The following DLX6 variants were observed in gnomAD, a reference collection of about 807,000 sequenced individuals.
DLX6 encodes homeobox protein DLX-6.
A neutral mutation model predicts 33.5 loss-of-function variants in DLX6; 4 were observed. The observed-to-expected ratio is 0.12, with a 90% CI of 0.06 to 0.27. The LOEUF (loss-of-function observed/expected upper bound fraction) is 0.27. Among genes scored for constraint, DLX6 ranks in the 10% least tolerant of loss-of-function variants. The pLI, the probability that DLX6 is intolerant of heterozygous loss-of-function variation, is 1.00. For synonymous variants in DLX6, 184 were observed against 164.8 expected (o/e 1.12, Z -0.89); for missense variants, 382 against 393.3 (o/e 0.97, Z 0.24).
chr7:97,010,013 A>C lies in DLX6; in HGVS notation c.848A>C (p.His283Pro). ...PGYSHWYSSPHQDTMQRPQMM is the reference protein window; with the variant it reads ...PGYSHWYSSPPQDTMQRPQMM ...TATTCTCACTGGTACTCCTCTCCACACCAGGACACGATGCAGAGACCACAG... is the reference window on the plus strand; with the variant it reads ...TATTCTCACTGGTACTCCTCTCCACCCCAGGACACGATGCAGAGACCACAG... Residue 283 changes from histidine (H) to proline (P), a missense_variant, in exon 3 of 3, where the codon CAC (histidine) becomes CCC (proline). By Grantham distance (77) the His-to-Pro change is moderately conservative. This residue lies in a region of DLX6 where 96 missense variants were observed against 93.3 expected (regional missense o/e 1.03). Transcript: ENST00000518156. 5.0e-6 allele frequency: 8 copies of C among 1,603,990 alleles called. No individual in the cohort carries two copies. Among genetic ancestry groups the C allele is most frequent in the Non-Finnish European group, 6.8e-6 (8 of 1,174,940 alleles).
In DLX6 at chr7:97,006,046, G is replaced by A; in HGVS notation, c.69G>A (p.Glu23=). Residue 23 remains glutamate, a synonymous_variant, in exon 1 of 3, where the codon GAG becomes GAA. Transcript: ENST00000518156. ...GQDSSKSAFM[E]FGQQQQQQQQ... is the part of the protein sequence containing the mutation. ...ACTCGTCCAAATCCGCCTTCATGGAGTTCGGGCAGCAGCAGCAGCAGCAGC... is the reference window on the plus strand; with the variant it reads ...ACTCGTCCAAATCCGCCTTCATGGAATTCGGGCAGCAGCAGCAGCAGCAGC... 6.3e-7 allele frequency: 1 copy of A among 1,594,014 alleles called. No individual in the cohort carries two copies. The highest frequency in any genetic ancestry group is 8.5e-7 in the Non-Finnish European group (1 of 1,171,238).
At chr7:97,009,707 C>G (rs1169652868) in intron 2 of DLX6, 89 bp from the exon 3 acceptor site, 2 of 1,526,940 alleles carry the variant, frequency 1.3e-6, no homozygotes, top group African/African-American at 1.4e-5. Context: ...TGTTTTTTTG[C>G]TTTTTTAATA....
chr7:97,008,615 A>G (rs1344475491), intron 2 of DLX6, among the ~76,000 whole-genome samples: 1 of 152,228 alleles, frequency 6.6e-6, no homozygotes, highest in South Asian at 2.1e-4. Flanking sequence ...AGGTGAGTAT[A>G]TTAGGACCCT....
chr7:97,006,399 G>T lies in DLX6; in HGVS notation c.422G>T (p.Arg141Leu). 7.0e-7 allele frequency: 1 copy of T among 1,419,932 alleles called. No homozygotes were observed. The highest frequency in any genetic ancestry group is 1.8e-4 in the Middle Eastern group (1 of 5,416). The allele number at this position is 1,419,932 out of a possible 1,614,324, so 88.0% of individuals were successfully genotyped here. ...YHNSSAAAQT[R>L]GDDTDQQKTT... Reference sequence around the variant, plus strand: ...AACAGCAGCGCAGCCGCCCAGACGCGAGGGGACGACACAGGTGAGAGGCCG... The same window carrying T: ...AACAGCAGCGCAGCCGCCCAGACGCTAGGGGACGACACAGGTGAGAGGCCG... Residue 141 changes from arginine (R) to leucine (L), a missense_variant, in exon 1 of 3, where the codon CGA (arginine) becomes CTA (leucine). Around this residue, in one of 4 missense-constraint regions of DLX6, gnomAD observed 257 missense variants for 206.9 expected, o/e 1.24. Transcript: ENST00000518156.
chr7:97,010,148 G>C lies in DLX6; in HGVS notation c.*101G>C, dbSNP rs756020861. ...AGGAGCCAAAGGAGCAGGCTTAGGA[G>C]AGCTCATAAGTGTGGCAAGAAGCCG... On this transcript the variant is annotated 3_prime_UTR_variant, in exon 3 of 3. Coordinates refer to ENST00000518156, the MANE Select transcript of DLX6 (RefSeq NM_005222.4). The C allele has an allele frequency of 7.1e-7, 1 of 1,405,384 alleles. No individual in the cohort carries two copies. Among genetic ancestry groups the C allele is most frequent in the African/African-American group, 1.4e-5 (1 of 68,994 alleles). 87.1% of individuals were successfully genotyped at this position (1,405,384 alleles called of 1,614,324 possible).
Position 97,006,160 on chromosome 7 carries a change from C to A in DLX6, c.183C>A (p.Ser61=). Residue 61 remains serine (S), a synonymous_variant, in exon 1 of 3, where the codon TCC becomes TCA. Transcript: ENST00000518156. Reference sequence around the variant, plus strand: ...CGCAGCCGCACTCGCAGCAGAGCTCCCCGGCCATGGCAGGCGCGCACTACC... The same window carrying A: ...CGCAGCCGCACTCGCAGCAGAGCTCACCGGCCATGGCAGGCGCGCACTACC... ...PPPQPHSQQS[S]PAMAGAHYPL... The A allele has an allele frequency of 6.5e-7, 1 of 1,543,436 alleles. No individual in the cohort carries two copies. The highest frequency in any genetic ancestry group is 8.8e-7 in the Non-Finnish European group (1 of 1,141,554).
Position 97,006,180 on chromosome 7 carries a change from A to T in DLX6, c.203A>T (p.His68Leu). 6.5e-7 allele frequency: 1 copy of T among 1,542,110 alleles called. No individual in the cohort carries two copies. The change falls in exon 1 of 3, where the codon CAC becomes CTC. Residue 68 changes from histidine to leucine, a missense_variant. Physicochemically the swap from His to Leu is moderately conservative, Grantham distance 99. Around this residue, in one of 4 missense-constraint regions of DLX6, gnomAD observed 257 missense variants for 206.9 expected, o/e 1.24. Transcript: ENST00000518156. ...QQSSPAMAGA[H>L]YPLHCLHSAA... ...AGCTCCCCGGCCATGGCAGGCGCGC[A>T]CTACCCTCTGCACTGCCTGCACTCG...
rs1789702003 is a variant in DLX6 at position 97,005,867 on chromosome 7, T to G, written c.-111T>G. ...TCTTTTTTTTTTTTTTTTTTTTTTTTGCAAGGATCCAAAGAGCTAAGGTGG... is the reference window on the plus strand; with the variant it reads ...TCTTTTTTTTTTTTTTTTTTTTTTTGGCAAGGATCCAAAGAGCTAAGGTGG... On this transcript the variant is annotated 5_prime_UTR_variant, in exon 1 of 3. Transcript: ENST00000518156. 5 of 252,702 alleles carry G rather than the reference T, an allele frequency of 2.0e-5. No homozygotes were observed. The highest frequency in any genetic ancestry group is 3.3e-5 in the Non-Finnish European group (5 of 153,356). The allele number at this position is 252,702 out of a possible 1,614,324, so 15.7% of individuals were successfully genotyped here. A position where few individuals can be genotyped will look rare whatever the true frequency, so the allele number is the denominator to read the frequency against.
chr7:97,006,610 C>A, intron 1 of DLX6, 197 bp downstream of exon 1: 1 of 297,320 alleles, frequency 3.4e-6, no homozygotes, highest in Admixed American at 5.9e-5. Context: ...CCCCTTCCCG[C>A]CGCCGCGGAC....
intron 1 of DLX6, 36 bp from the exon 2 acceptor site, chr7:97,007,601 TC>T: frequency 6.4e-7 from 1 of 1,571,878 alleles, no homozygotes; most frequent in Non-Finnish European, 8.7e-7. Flanking sequence ...AGCAGTAGCC[TC>T]CCGGGTGACC....
Position 97,007,822 on chromosome 7 carries a change from A to G in DLX6, c.621A>G (p.Thr207=), listed in dbSNP as rs961389216. Reference sequence around the variant, plus strand: ...AACTGGCAGCTTCCTTAGGACTGACACAAACACAGGTAATTCCCGAGAAGC... The same window carrying G: ...AACTGGCAGCTTCCTTAGGACTGACGCAAACACAGGTAATTCCCGAGAAGC... ...RAELAASLGL[T]QTQVKIWFQN... is the part of the protein sequence containing the mutation. The change falls in exon 2 of 3, where the codon ACA becomes ACG. Residue 207 remains threonine (T), a synonymous_variant. Transcript: ENST00000518156. The G allele has an allele frequency of 3.6e-5, 57 of 1,597,162 alleles. No homozygotes were observed. The highest frequency in any genetic ancestry group is 4.8e-5 in the Non-Finnish European group (56 of 1,172,162).
intron 2 of DLX6, 97 bp from the exon 3 acceptor site, chr7:97,009,699 T>A (rs895180273): frequency 6.6e-7 from 1 of 1,522,656 alleles, no homozygotes; most frequent in East Asian, 2.3e-5. Context: ...TTGTTTTTTG[T>A]TTTTTTGCTT....
chr7:97,007,292 G>A, intron 1 of DLX6: 2 of 576,826 alleles, frequency 3.5e-6, no homozygotes, highest in South Asian at 2.2e-5. Context: ...GCCGGGCACA[G>A]GGGCCCCGCT....
At chr7:97,007,567 C>A in intron 1 of DLX6, 71 bp from the exon 2 acceptor site, 1 of 1,433,304 alleles carries the variant, frequency 7.0e-7, no homozygotes, top group Non-Finnish European at 9.6e-7. Context: ...TCGTTGCATG[C>A]CACGCCAGGA....
At chr7:97,009,134 G>T (rs1356984295) in intron 2 of DLX6, among the ~76,000 whole-genome samples, 1 of 152,240 alleles carries the variant, frequency 6.6e-6, no homozygotes, top group African/African-American at 2.4e-5. Flanking sequence ...GAATGAAGGA[G>T]CTGCAGTCCT....
In DLX6 at chr7:97,006,106, A is replaced by AGCAGCAGCAG. The variant is rs1789715897; in HGVS notation, c.129_130insGCAGCAGCAG (p.Gln44AlafsTer114). 4 of 1,495,926 alleles carry AGCAGCAGCAG rather than the reference A, an allele frequency of 2.7e-6. No individual in the cohort carries two copies. The Admixed American group carries it at 5.9e-5, about 22-fold the overall frequency. The allele number at this position is 1,495,926 out of a possible 1,614,324, so 92.7% of individuals were successfully genotyped here. A position where few individuals can be genotyped will look rare whatever the true frequency, so the allele number is the denominator to read the frequency against. On this transcript the variant is annotated frameshift_variant, in exon 1 of 3. Coordinates refer to ENST00000518156, the MANE Select transcript of DLX6 (RefSeq NM_005222.4). LOFTEE classifies it high-confidence loss of function. Reference sequence around the variant, plus strand: ...AGCAGCAGCAGCAGCAGCAACAGCAACAGCCGCCGCCGCCGCCGCCGCCGC... The same window carrying AGCAGCAGCAG: ...AGCAGCAGCAGCAGCAGCAACAGCAAGCAGCAGCAGCAGCCGCCGCCGCCGCCGCCGCCGC...
At position 97,010,134 on chromosome 7, in the gene DLX6, G is replaced by A. The variant is rs916757731; in HGVS notation, c.*87G>A. On this transcript the variant is annotated 3_prime_UTR_variant, in exon 3 of 3. Coordinates refer to ENST00000518156, the MANE Select transcript of DLX6 (RefSeq NM_005222.4). ...TTGTATCTGCGAAAAGGAGCCAAAG[G>A]AGCAGGCTTAGGAGAGCTCATAAGT... The A allele has an allele frequency of 4.7e-6, 7 of 1,497,298 alleles. No individual in the cohort carries two copies. In the Admixed American group the frequency reaches 1.0e-4, roughly 22 times the overall value. The allele number at this position is 1,497,298 out of a possible 1,614,324, so 92.8% of individuals were successfully genotyped here. A position where few individuals can be genotyped will look rare whatever the true frequency, so the allele number is the denominator to read the frequency against.
Position 97,006,272 on chromosome 7 carries a change from C to A in DLX6, c.295C>A (p.Pro99Thr). 1.3e-6 allele frequency: 2 copies of A among 1,531,372 alleles called. No individual in the cohort carries two copies. The highest frequency in any genetic ancestry group is 1.8e-6 in the Non-Finnish European group (2 of 1,137,044). 94.9% of individuals were successfully genotyped at this position (1,531,372 alleles called of 1,614,324 possible). A position where few individuals can be genotyped will look rare whatever the true frequency, so the allele number is the denominator to read the frequency against. The change falls in exon 1 of 3, where the codon CCC becomes ACC. Residue 99 changes from proline to threonine, a missense_variant. Coordinates refer to ENST00000518156, the MANE Select transcript of DLX6 (RefSeq NM_005222.4). ...CCACCAGCACCACCACCACGGCTCG[C>A]CCTACGCGTCGGGCGGAGGGAACTC... The part of the protein sequence containing the change: ...HHHQHHHHGS[P>T]YASGGGNSYN...
rs1289211236 is a variant in DLX6, at chr7:97,006,427, G to A, written c.436+14G>A. 1.5e-6 allele frequency: 2 copies of A among 1,303,968 alleles called. No homozygotes were observed. Among genetic ancestry groups the A allele is most frequent in the Non-Finnish European group, 2.0e-6 (2 of 1,014,360 alleles). 80.8% of individuals were successfully genotyped at this position (1,303,968 alleles called of 1,614,324 possible). ...GGGACGACACAGGTGAGAGGCCGCT[G>A]GGGCAGCTCGCTTCTCCCGCCTCCC... On this transcript the variant is annotated intron_variant, in intron 1 of 2. Coordinates refer to ENST00000518156, the MANE Select transcript of DLX6 (RefSeq NM_005222.4).
Sources: allele counts gnomAD v4.1 joint callset (sites outside exome capture counted in the v4.1 genomes callset), GRCh38; gene constraint gnomAD v4.1.1; regional missense constraint gnomAD v4.1.1; transcripts MANE v1.5; gene names NCBI Gene and HGNC (gene_info 2026-07-23, HGNC 2026-07-21).